Variants in KLC1 observed in about 807,000 individuals in gnomAD.
KLC1 encodes the protein kinesin light chain 1, also known as kinesin 2 60/70kDa.
A neutral mutation model predicts 84.2 loss-of-function variants in KLC1; 30 were observed. That is an observed-to-expected ratio of 0.36 (90% confidence interval 0.27 to 0.48). The LOEUF is 0.48. Ranked by LOEUF, KLC1 falls within the 20% of genes least tolerant of loss-of-function variation. KLC1 has a pLI of 0.99. For missense variants in KLC1, 499 were observed against 805.4 expected (o/e 0.62, Z 4.60); for synonymous variants, 289 against 293.3 (o/e 0.99, Z 0.15).
At chr14:103,699,238 ACAGGCTGCTACCC>A in intron 15 of KLC1, 1 of 1,541,306 alleles carries the variant, frequency 6.5e-7, no homozygotes, top group East Asian at 2.4e-5. Flanking sequence ...ATGGTTAGGC[ACAGGCTGCTACCC>A]GCAGGAGCCG....
chr14:103,691,458 CTTTTTT>C lies in KLC1; in HGVS notation c.1782-878_1782-873del, dbSNP rs71126053. 7.7e-3 allele frequency among the ~76,000 whole-genome samples: 529 copies of C among 68,774 alleles called. 5 individuals are homozygous for C. The highest frequency in any genetic ancestry group is 0.02 in the African/African-American group (314 of 15,402). The allele number at this position is 68,774 out of a possible 152,430, so 45.1% of individuals were successfully genotyped here. The stretch of plus-strand genomic sequence containing the variant: ...TACAAGCATGAGCCACCACGCCTGG[CTTTTTT>C]TTTTTTTTTTTTTTTTTTTTTTGGT... On this transcript the variant is annotated intron_variant, in intron 14 of 16. Transcript: ENST00000334553.
In KLC1 at chr14:103,677,454, T is replaced by C. The variant is rs538342063; in HGVS notation, c.1419T>C (p.Leu473=). ...CCACTCTAAAAAACCTTGGGGCACTTTACAGACGTCAAGGCAAATTTGAAG... is the reference window on the plus strand; with the variant it reads ...CCACTCTAAAAAACCTTGGGGCACTCTACAGACGTCAAGGCAAATTTGAAG... ...VTTTLKNLGA[L]YRRQGKFEAA... is the part of the protein sequence containing the mutation. Residue 473 remains leucine (L), a synonymous_variant, in exon 12 of 17, where the codon CTT becomes CTC. Coordinates refer to ENST00000334553, the MANE Select transcript of KLC1 (RefSeq NM_001394837.1). 14 of 1,613,930 alleles carry C rather than the reference T, an allele frequency of 8.7e-6. No individual in the cohort carries two copies. Among genetic ancestry groups the C allele is most frequent in the African/African-American group, 1.3e-5 (1 of 74,928 alleles).
intron 2 of KLC1, among the ~76,000 whole-genome samples, chr14:103,655,827 TC>T (rs2078795215): frequency 6.6e-6 from 1 of 152,312 alleles, no homozygotes; most frequent in South Asian, 2.1e-4. Context: ...GGTCTTGAAC[TC>T]CTGACCTCAG....
chr14:103,670,619 C>T (rs1266369794), intron 7 of KLC1, among the ~76,000 whole-genome samples: 1 of 151,480 alleles, frequency 6.6e-6, no homozygotes, highest in East Asian at 1.9e-4. Flanking sequence ...ACAGGCTGAG[C>T]CACTGTGCCC....
intron 1 of KLC1, among the ~76,000 whole-genome samples, chr14:103,653,186 CAGGCTAG>C (rs1250044535): frequency 6.6e-6 from 1 of 152,144 alleles, no homozygotes; most frequent in African/African-American, 2.4e-5. Flanking sequence ...CTCCGTCACC[CAGGCTAG>C]AGTGCAGAGG....
intron 1 of KLC1, among the ~76,000 whole-genome samples, chr14:103,635,973 A>G (rs907422685): frequency 1.3e-5 from 2 of 152,048 alleles, no homozygotes; most frequent in Non-Finnish European, 2.9e-5. Context: ...TAATCCTATC[A>G]TTACTTTTTC....
chr14:103,636,107 A>T (rs1483061006), intron 1 of KLC1, among the ~76,000 whole-genome samples: 1 of 152,124 alleles, frequency 6.6e-6, no homozygotes, highest in African/African-American at 2.4e-5. Flanking sequence ...GAACTCTTTC[A>T]TCTGGCAGCG....
chr14:103,682,673 G>C (rs2081455908), intron 13 of KLC1: 1 of 151,254 alleles, frequency 6.6e-6, no homozygotes, highest in South Asian at 2.1e-4. Flanking sequence ...GACAGAGCAA[G>C]AGTGTCTCGA....
Position 103,694,982 on chromosome 14 carries a change from C to T in KLC1, c.1848+2557C>T. ...TGGCCCAGGAGCTGCCCTGTGGAGC[C>T]AGCGTTGTCCCCGAGCTGCTCGCCT... On this transcript the variant is annotated intron_variant, in intron 15 of 16. Transcript: ENST00000334553. This position sits in a 1 kb window ranked among gnomAD's most constrained non-coding sequence, Gnocchi z 4.5. 1 of 985,430 alleles carries T rather than the reference C, an allele frequency of 1.0e-6. No individual in the cohort carries two copies. The highest frequency in any genetic ancestry group is 1.2e-6 in the Non-Finnish European group (1 of 829,928). The allele number at this position is 985,430 out of a possible 1,614,324, so 61.0% of individuals were successfully genotyped here.
intron 5 of KLC1, among the ~76,000 whole-genome samples, chr14:103,665,131 T>C (rs2151606492): frequency 6.6e-6 from 1 of 152,320 alleles, no homozygotes; most frequent in East Asian, 1.9e-4. Context: ...TTCATCATTC[T>C]TGTATTAAGG....
At chr14:103,648,461 G>A (rs1399728507) in intron 1 of KLC1, among the ~76,000 whole-genome samples, 2 of 152,036 alleles carry the variant, frequency 1.3e-5, no homozygotes, top group African/African-American at 2.4e-5. Flanking sequence ...GTGGTAGTAC[G>A]AAAGAATGAT....
intron 15 of KLC1, chr14:103,698,729 G>A (rs2082791080): frequency 6.4e-6 from 9 of 1,403,594 alleles, no homozygotes; most frequent in East Asian, 2.5e-5. Context: ...CCAGGCAGAC[G>A]CGTTTTAAAG....
chr14:103,699,675 C>A, intron 15 of KLC1: 1 of 1,211,154 alleles, frequency 8.3e-7, no homozygotes, highest in Non-Finnish European at 1.2e-6. Context: ...GAAAACCTTC[C>A]TACCCACCTG....
At chr14:103,668,941 C>G (rs1261518291) in intron 5 of KLC1, among the ~76,000 whole-genome samples, 2 of 147,476 alleles carry the variant, frequency 1.4e-5, no homozygotes, top group Admixed American at 6.8e-5. Context: ...CCACACCCGG[C>G]TAATTTTTTT....
chr14:103,683,903 C>T lies in KLC1; in HGVS notation c.1651-3178C>T, dbSNP rs763457955. 1.1e-4 allele frequency: 16 copies of T among 152,198 alleles called. 1 individual carries two copies. Among genetic ancestry groups the T allele is most frequent in the Non-Finnish European group, 2.2e-4 (15 of 68,042 alleles). The allele number at this position is 152,198 out of a possible 1,614,324, so 9.4% of individuals were successfully genotyped here. On this transcript the variant is annotated intron_variant, in intron 13 of 16. Coordinates refer to ENST00000334553, the MANE Select transcript of KLC1 (RefSeq NM_001394837.1). ...TTAAAAAATGACAATAAGGGCTGGACGAGGTGGCTCATGCCTGTAATCCCA... is the reference window on the plus strand; with the variant it reads ...TTAAAAAATGACAATAAGGGCTGGATGAGGTGGCTCATGCCTGTAATCCCA...
At chr14:103,676,570 T>G (rs1227894845) in intron 11 of KLC1, among the ~76,000 whole-genome samples, 1 of 152,154 alleles carries the variant, frequency 6.6e-6, no homozygotes, top group Non-Finnish European at 1.5e-5. Context: ...CTTTCCACTC[T>G]TAACTTTCCT....
At chr14:103,685,825 G>T in intron 13 of KLC1, 1 of 1,195,762 alleles carries the variant, frequency 8.4e-7, no homozygotes, top group Non-Finnish European at 1.1e-6. Flanking sequence ...CCTGATTTCT[G>T]TATACATGTA....
At chr14:103,665,793 A>G (rs1410372729) in intron 5 of KLC1, among the ~76,000 whole-genome samples, 14 of 152,146 alleles carry the variant, frequency 9.2e-5, no homozygotes, top group Admixed American at 9.2e-4. Context: ...TAAACATTTT[A>G]TAGTCCTTGG....
chr14:103,669,494 T>G lies in KLC1; in HGVS notation c.798-17T>G. On this transcript the variant is annotated splice_polypyrimidine_tract_variant and intron_variant, in intron 5 of 16. Transcript: ENST00000334553. ...TGATCTACATCTGAAACACTTAATG[T>G]GTGTTTTTCCATTTAGGGATCAGAA... 1 of 1,404,208 alleles carries G rather than the reference T, an allele frequency of 7.1e-7. No homozygotes were observed. The highest frequency in any genetic ancestry group is 1.2e-5 in the South Asian group (1 of 85,428). 87.0% of individuals were successfully genotyped at this position (1,404,208 alleles called of 1,614,324 possible). A position where few individuals can be genotyped will look rare whatever the true frequency, so the allele number is the denominator to read the frequency against.
Sources: gnomAD v4.1 joint callset for allele counts (sites outside exome capture counted in the v4.1 genomes callset) on GRCh38, gnomAD v4.1.1 for gene constraint, Gnocchi (gnomAD v3.1) non-coding constraint, MANE v1.5 for transcripts, NCBI Gene and HGNC (gene_info 2026-07-23, HGNC 2026-07-21) for gene names.